The following HEMK2 variants were observed in gnomAD, a reference collection of about 807,000 sequenced individuals.
HEMK2 encodes the protein HemK methyltransferase 2, ETF1 glutamine and histone H4 lysine.
At chr21:28,864,885 T>C in the HEMK2 span, among the ~76,000 whole-genome samples, 2 of 103,366 alleles carry the variant, frequency 1.9e-5, no homozygotes, top group Non-Finnish European at 3.9e-5. Context: ...TAGGTAGATA[T>C]AGATGATAGA....
chr21:28,831,511 GAAA>G, the HEMK2 span, among the ~76,000 whole-genome samples: 7 of 89,836 alleles, frequency 7.8e-5, no homozygotes, highest in Admixed American at 2.6e-4. Context: ...AAGAAAGAAA[GAAA>G]GAAAGAAAGA....
At chr21:28,879,843 A>C in the HEMK2 span, 8 of 1,460,026 alleles carry the variant, frequency 5.5e-6, no homozygotes, top group Non-Finnish European at 6.5e-6. Flanking sequence ...GAAAATATTA[A>C]TAATTAAATT....
At chr21:28,885,330 A>G in the HEMK2 span, 9,918 of 1,580,872 alleles carry the variant, frequency 6.3e-3, 512 homozygotes, top group African/African-American at 0.12. Flanking sequence ...GGCGTAGCGA[A>G]GTTCTCCCCT....
chr21:28,666,557 C>A, the HEMK2 span, among the ~76,000 whole-genome samples: 1 of 152,114 alleles, frequency 6.6e-6, no homozygotes, highest in Non-Finnish European at 1.5e-5. Flanking sequence ...TGAAGAGAGA[C>A]ATGAATGATT....
chr21:28,647,512 A>AC, the HEMK2 span, among the ~76,000 whole-genome samples: 5 of 145,914 alleles, frequency 3.4e-5, no homozygotes, highest in Non-Finnish European at 7.6e-5. Flanking sequence ...CCATCTCAAA[A>AC]AAAAAAAAAA....
At chr21:28,849,387 A>G in the HEMK2 span, among the ~76,000 whole-genome samples, 1 of 152,204 alleles carries the variant, frequency 6.6e-6, no homozygotes, top group Non-Finnish European at 1.5e-5. Flanking sequence ...AAGGACATCA[A>G]CTTCAAAGAC....
At chr21:28,663,152 AT>A in the HEMK2 span, among the ~76,000 whole-genome samples, 1 of 152,214 alleles carries the variant, frequency 6.6e-6, no homozygotes, top group Non-Finnish European at 1.5e-5. Flanking sequence ...CTGTTTTCAT[AT>A]TTTGATAAAG....
chr21:28,587,278 A>T, the HEMK2 span, among the ~76,000 whole-genome samples: 3 of 152,054 alleles, frequency 2.0e-5, no homozygotes, highest in Admixed American at 2.0e-4. Flanking sequence ...CCCTTGGAAG[A>T]TTCAGTCACC....
the HEMK2 span, among the ~76,000 whole-genome samples, chr21:28,830,287 T>C: frequency 3.3e-5 from 5 of 152,136 alleles, no homozygotes; most frequent in Non-Finnish European, 7.3e-5. Flanking sequence ...GATTTCTCCC[T>C]TGCTCTTGCG....
the HEMK2 span, among the ~76,000 whole-genome samples, chr21:28,774,857 A>G: frequency 1.3e-5 from 2 of 152,164 alleles, no homozygotes; most frequent in Non-Finnish European, 2.9e-5. Context: ...TGTAATATTT[A>G]TTTAATTTTG....
the HEMK2 span, among the ~76,000 whole-genome samples, chr21:28,831,265 C>T: frequency 4.0e-5 from 6 of 151,154 alleles, no homozygotes; most frequent in African/African-American, 1.2e-4. Flanking sequence ...GCCAAGATGG[C>T]GAAACCCCCG....
the HEMK2 span, among the ~76,000 whole-genome samples, chr21:28,639,025 T>C: frequency 2.6e-5 from 4 of 152,182 alleles, no homozygotes; most frequent in African/African-American, 9.7e-5. Context: ...CTGTAGGTTT[T>C]ACCAAACTGC....
the HEMK2 span, among the ~76,000 whole-genome samples, chr21:28,793,310 G>T: frequency 1.3e-5 from 2 of 152,112 alleles, no homozygotes; most frequent in Non-Finnish European, 2.9e-5. Flanking sequence ...AAAACTTTTT[G>T]GGAAGTGGCT....
At chr21:28,649,168 T>C in the HEMK2 span, among the ~76,000 whole-genome samples, 1 of 152,148 alleles carries the variant, frequency 6.6e-6, no homozygotes, top group Non-Finnish European at 1.5e-5. Context: ...CTAACCAGAA[T>C]CTGGCTCTGT....
the HEMK2 span, among the ~76,000 whole-genome samples, chr21:28,788,708 A>AC: frequency 6.7e-5 from 10 of 149,522 alleles, no homozygotes; most frequent in African/African-American, 2.2e-4. Context: ...GGTACTCCAA[A>AC]AAAAAAAAAA....
chr21:28,682,220 C>A, the HEMK2 span, among the ~76,000 whole-genome samples: 5 of 152,098 alleles, frequency 3.3e-5, no homozygotes, highest in Non-Finnish European at 5.9e-5. Flanking sequence ...AAACAAACAA[C>A]CCCATCAAAA....
chr21:28,622,433 C>T, the HEMK2 span, among the ~76,000 whole-genome samples: 2 of 152,080 alleles, frequency 1.3e-5, no homozygotes, highest in Non-Finnish European at 2.9e-5. Flanking sequence ...CAATGCTATC[C>T]CCATCAAGTT....
At chr21:28,649,335 G>A in the HEMK2 span, among the ~76,000 whole-genome samples, 5 of 152,128 alleles carry the variant, frequency 3.3e-5, no homozygotes, top group African/African-American at 4.8e-5. Context: ...GGGGGCTCTC[G>A]TCTGACCCGA....
At chr21:28,581,061 G>A in the HEMK2 span, among the ~76,000 whole-genome samples, 1 of 151,970 alleles carries the variant, frequency 6.6e-6, no homozygotes, top group Non-Finnish European at 1.5e-5. Flanking sequence ...AACAGTAAAG[G>A]GTCAGTATCT....
Sources: gnomAD v4.1 joint callset for allele counts (sites outside exome capture counted in the v4.1 genomes callset) on GRCh38, gnomAD v4.1.1 for gene constraint, MANE v1.5 for transcripts, NCBI Gene and HGNC (gene_info 2026-07-23, HGNC 2026-07-21) for gene names.